Variants in PRKN observed in about 807,000 individuals in gnomAD.
The protein encoded by PRKN is parkin RBR E3 ubiquitin protein ligase.
Under a neutral mutation model 59.5 loss-of-function variants are expected in PRKN, and 56 were observed. That is an observed-to-expected ratio of 0.94 (90% CI 0.76 to 1.18). The LOEUF is 1.18. Among genes scored for constraint, PRKN ranks in the 50% most tolerant of loss-of-function variants. PRKN has a pLI of 0.00. For synonymous variants in PRKN, 250 were observed against 222.1 expected, an observed-to-expected ratio of 1.13 and a Z score of -1.12; for missense variants, 657 against 596.4, an observed-to-expected ratio of 1.10 and a Z score of -1.06.
At chr6:161,813,536 T>A (rs2128214136) in intron 6 of PRKN, among the ~76,000 whole-genome samples, 1 of 152,186 alleles carries the variant, frequency 6.6e-6, no homozygotes, top group East Asian at 1.9e-4. Flanking sequence ...ACAGAGAAAA[T>A]AACCGGGAAG....
At position 161,360,383 on chromosome 6, in the gene PRKN, C is replaced by G. The variant is rs576675067; in HGVS notation, c.1168-178G>C. 7.9e-5 allele frequency among the ~76,000 whole-genome samples: 12 copies of G among 152,358 alleles called. 1 individual carries two copies. The East Asian group carries it at 2.3e-3, about 29-fold the overall frequency. Reference sequence around the variant, plus strand: ...CAGCTACTAGGCGGATGGGGACACTCTCCCTGGCATGTGGCGTATGCGTAG... The same window carrying G: ...CAGCTACTAGGCGGATGGGGACACTGTCCCTGGCATGTGGCGTATGCGTAG... On this transcript the variant is annotated intron_variant, in intron 10 of 11. Coordinates refer to ENST00000366898, the MANE Select transcript of PRKN (RefSeq NM_004562.3). This position sits in a 1 kb window ranked among gnomAD's most constrained non-coding sequence, Gnocchi z 5.1.
intron 10 of PRKN, among the ~76,000 whole-genome samples, chr6:161,368,634 C>T (rs1392004207): frequency 6.6e-6 from 1 of 151,272 alleles, no homozygotes; most frequent in Non-Finnish European, 1.5e-5. Context: ...GCCACCCAGC[C>T]CCCCTCCCCT....
At chr6:162,279,170 C>T (rs562165083) in intron 2 of PRKN, among the ~76,000 whole-genome samples, 1 of 151,810 alleles carries the variant, frequency 6.6e-6, no homozygotes, top group East Asian at 1.9e-4. Context: ...GACTCTGACT[C>T]TACTAAAAAT....
At chr6:161,717,805 G>A (rs571194700) in intron 7 of PRKN, among the ~76,000 whole-genome samples, 1 of 152,280 alleles carries the variant, frequency 6.6e-6, no homozygotes, top group South Asian at 2.1e-4. Flanking sequence ...CGAGGGGTGG[G>A]ACTTGGATCC....
At chr6:162,672,509 C>A (rs1041565233) in intron 1 of PRKN, among the ~76,000 whole-genome samples, 1 of 152,110 alleles carries the variant, frequency 6.6e-6, no homozygotes, top group Non-Finnish European at 1.5e-5. Flanking sequence ...TATACTCTAT[C>A]TTCTATAAAA....
chr6:162,042,046 TGGAGCCATA>T (rs1784086593), intron 5 of PRKN, among the ~76,000 whole-genome samples: 1 of 152,058 alleles, frequency 6.6e-6, no homozygotes, highest in Non-Finnish European at 1.5e-5. Flanking sequence ...TTAGTTCTCA[TGGAGCCATA>T]GGCCATAATT....
At chr6:161,762,804 T>A (rs1258817462) in intron 7 of PRKN, among the ~76,000 whole-genome samples, 1 of 152,190 alleles carries the variant, frequency 6.6e-6, no homozygotes, top group Non-Finnish European at 1.5e-5. Context: ...TGCTCTCAAA[T>A]ATACTGGCAC....
rs544336670 is a variant in PRKN at position 161,857,031 on chromosome 6, A to C, written c.735-71123T>G. The stretch of plus-strand genomic sequence containing the variant: ...GATCACCTGAGGTCAGGAGTTCAAG[A>C]CCAGCCTGGCCAACGTGGTAAAACC... On this transcript the variant is annotated intron_variant, in intron 6 of 11. Transcript: ENST00000366898. Among the ~76,000 whole-genome samples, 75 of 148,588 alleles carry C rather than the reference A, an allele frequency of 5.0e-4. 1 individual carries two copies. The highest frequency in any genetic ancestry group is 3.4e-3 in the Middle Eastern group (1 of 294).
At chr6:161,892,724 G>A (rs1407846238) in intron 6 of PRKN, among the ~76,000 whole-genome samples, 1 of 152,076 alleles carries the variant, frequency 6.6e-6, no homozygotes, top group African/African-American at 2.4e-5. Flanking sequence ...TGGTGACAGA[G>A]CAATATCCTA....
At chr6:162,394,301 T>C (rs1441631924) in intron 2 of PRKN, among the ~76,000 whole-genome samples, 1 of 152,172 alleles carries the variant, frequency 6.6e-6, no homozygotes. Context: ...TGCTTTCCCT[T>C]AGAGAGGTCC....
chr6:162,009,893 A>C (rs1782417759), intron 5 of PRKN, among the ~76,000 whole-genome samples: 1 of 151,414 alleles, frequency 6.6e-6, no homozygotes, highest in Non-Finnish European at 1.5e-5. Context: ...CCAAGATCCC[A>C]CCACTGCACT....
At chr6:162,375,403 C>A (rs1347730013) in intron 2 of PRKN, among the ~76,000 whole-genome samples, 2 of 149,688 alleles carry the variant, frequency 1.3e-5, no homozygotes, top group Non-Finnish European at 3.0e-5. Context: ...TTATCAACTC[C>A]TGTTTTTTTT....
intron 1 of PRKN, among the ~76,000 whole-genome samples, chr6:162,452,114 A>C (rs1027846203): frequency 6.6e-6 from 1 of 152,224 alleles, no homozygotes; most frequent in Non-Finnish European, 1.5e-5. Context: ...AACAAAAAGC[A>C]AAAAATGCTT....
At chr6:162,237,964 G>A (rs371332449) in intron 3 of PRKN, among the ~76,000 whole-genome samples, 3 of 152,252 alleles carry the variant, frequency 2.0e-5, no homozygotes, top group Middle Eastern at 3.4e-3. Flanking sequence ...TAGAGAGCAC[G>A]TGGTAGGTTA....
intron 2 of PRKN, among the ~76,000 whole-genome samples, chr6:162,325,099 G>A (rs1783206578): frequency 6.6e-6 from 1 of 152,070 alleles, no homozygotes; most frequent in Non-Finnish European, 1.5e-5. Flanking sequence ...AAAATTAAAT[G>A]ACTGATTTCA....
chr6:162,646,621 G>A (rs1488140698), intron 1 of PRKN, among the ~76,000 whole-genome samples: 1 of 152,060 alleles, frequency 6.6e-6, no homozygotes, highest in Admixed American at 6.6e-5. Context: ...CACTTGTGTA[G>A]CACTTAACAT....
At chr6:161,710,768 C>T (rs1171783293) in intron 7 of PRKN, among the ~76,000 whole-genome samples, 1 of 151,972 alleles carries the variant, frequency 6.6e-6, no homozygotes, top group Non-Finnish European at 1.5e-5. Flanking sequence ...AATGTGCCTG[C>T]CTGCTTAACT....
chr6:161,842,750 A>C (rs1227875510), intron 6 of PRKN, among the ~76,000 whole-genome samples: 9 of 152,028 alleles, frequency 5.9e-5, no homozygotes, highest in South Asian at 2.1e-4. Context: ...GGTTTTCACT[A>C]TGTTGGCCAG....
chr6:162,499,406 T>C (rs1793256865), intron 1 of PRKN, among the ~76,000 whole-genome samples: 1 of 152,132 alleles, frequency 6.6e-6, no homozygotes. Context: ...CCTCTTCAAA[T>C]CTGTTTCTTT....
Sources: allele counts gnomAD v4.1 joint callset (sites outside exome capture counted in the v4.1 genomes callset), GRCh38; gene constraint gnomAD v4.1.1; non-coding constraint Gnocchi (gnomAD v3.1); transcripts MANE v1.5; gene names NCBI Gene and HGNC (gene_info 2026-07-23, HGNC 2026-07-21).